ZBTB38: variants seen among roughly 807,000 people sequenced by gnomAD.
ZBTB38 encodes the protein zinc finger and BTB domain containing 38.
A neutral mutation model predicts 76.8 loss-of-function variants in ZBTB38; 20 were observed. The observed-to-expected ratio is 0.26, with a 90% confidence interval of 0.18 to 0.38. The LOEUF (loss-of-function observed/expected upper bound fraction) is 0.38. Ranked by LOEUF, ZBTB38 falls within the 10% of genes least tolerant of loss-of-function variation. The pLI, the probability that ZBTB38 is intolerant of heterozygous loss-of-function variation, is 1.00. For synonymous variants in ZBTB38, 504 were observed against 544.2 expected, an observed-to-expected ratio of 0.93 and a Z score of 1.03; for missense variants, 1,082 against 1,482.3, an observed-to-expected ratio of 0.73 and a Z score of 4.43.
chr3:141,354,050 T>C (rs1943592239), intron 1 of ZBTB38, among the ~76,000 whole-genome samples: 1 of 152,186 alleles, frequency 6.6e-6, no homozygotes, highest in African/African-American at 2.4e-5. Context: ...CGTAAGTCAA[T>C]AATCCCTTCA....
chr3:141,431,319 G>A (rs143772616), intron 5 of ZBTB38, among the ~76,000 whole-genome samples: 9,497 of 99,624 alleles, frequency 0.095, 384 homozygotes, highest in East Asian at 0.17. Context: ...GCGAGACTTC[G>A]TCTCAAAAAA....
intron 4 of ZBTB38, chr3:141,387,750 A>G (rs552030790): frequency 6.6e-6 from 1 of 152,340 alleles, no homozygotes; most frequent in African/African-American, 2.4e-5. Context: ...TGTTCTGCGT[A>G]TGATTTTTGT....
intron 1 of ZBTB38, among the ~76,000 whole-genome samples, chr3:141,356,397 T>C (rs545888786): frequency 6.6e-6 from 1 of 151,990 alleles, no homozygotes; most frequent in African/African-American, 2.4e-5. Flanking sequence ...CTTTTCTCAC[T>C]CATACAAAAG....
At position 141,443,312 on chromosome 3, in the gene ZBTB38, A is replaced by G. The variant is rs768224233; in HGVS notation, c.924A>G (p.Lys308=). 4 of 1,614,086 alleles carry G rather than the reference A, an allele frequency of 2.5e-6. No homozygotes were observed. Among genetic ancestry groups the G allele is most frequent in the African/African-American group, 2.7e-5 (2 of 74,916 alleles). ...CAGCTGCTGTTCTCACTCGTTCAAA[A>G]TCTCCAAACAATGAAGGAGATGTCC... ...PQPAAVLTRS[K]SPNNEGDVHF... is the part of the protein sequence containing the mutation. The change falls in exon 6 of 6, where the codon AAA becomes AAG. Residue 308 remains lysine (K), a synonymous_variant. Transcript: ENST00000321464. The surrounding 1 kb of genome is among the most constrained non-coding windows in gnomAD (Gnocchi z 5.6).
chr3:141,353,281 C>G (rs1490786650), intron 1 of ZBTB38, among the ~76,000 whole-genome samples: 2 of 152,118 alleles, frequency 1.3e-5, no homozygotes, highest in African/African-American at 2.4e-5. Context: ...CAACCCAACC[C>G]TCTCTTCTTT....
At chr3:141,415,724 GC>G (rs2073863526) in intron 5 of ZBTB38, among the ~76,000 whole-genome samples, 1 of 152,194 alleles carries the variant, frequency 6.6e-6, no homozygotes, top group Admixed American at 6.5e-5. Flanking sequence ...TGCCTTTTAA[GC>G]CCTGCTGTAG....
At chr3:141,340,985 A>AGAAAGAAT (rs1943178223) in intron 1 of ZBTB38, among the ~76,000 whole-genome samples, 4 of 145,656 alleles carry the variant, frequency 2.7e-5, no homozygotes, top group African/African-American at 1.1e-4. Context: ...AAAGAAAGAA[A>AGAAAGAAT]GAAAGAGAAA....
chr3:141,325,323 G>A (rs577654664), intron 1 of ZBTB38, among the ~76,000 whole-genome samples: 4 of 152,158 alleles, frequency 2.6e-5, no homozygotes, highest in Non-Finnish European at 4.4e-5. Context: ...AAGAAAATTA[G>A]CATTTTTTTA....
At chr3:141,423,368 T>C (rs1160598814) in intron 5 of ZBTB38, among the ~76,000 whole-genome samples, 2 of 152,246 alleles carry the variant, frequency 1.3e-5, no homozygotes, top group Non-Finnish European at 2.9e-5. Flanking sequence ...TGAAAAGCAA[T>C]AGAATGAGAT....
chr3:141,383,913 C>T (rs565198046), intron 3 of ZBTB38, among the ~76,000 whole-genome samples: 8 of 152,310 alleles, frequency 5.3e-5, no homozygotes, highest in Middle Eastern at 3.4e-3. Flanking sequence ...ATGAGAAGCA[C>T]GCAATTTTTT....
At chr3:141,335,404 A>G (rs1340183123) in intron 1 of ZBTB38, among the ~76,000 whole-genome samples, 1 of 152,228 alleles carries the variant, frequency 6.6e-6, no homozygotes, top group Non-Finnish European at 1.5e-5. Flanking sequence ...AATGAAATCA[A>G]CTTCCTTAGA....
At chr3:141,331,853 G>A (rs1372279098) in intron 1 of ZBTB38, among the ~76,000 whole-genome samples, 1 of 152,226 alleles carries the variant, frequency 6.6e-6, no homozygotes, top group African/African-American at 2.4e-5. Context: ...TGCTTGGACA[G>A]GATTCTTCTG....
At chr3:141,342,257 A>C (rs1258004787) in intron 1 of ZBTB38, among the ~76,000 whole-genome samples, 5 of 152,042 alleles carry the variant, frequency 3.3e-5, no homozygotes, top group Admixed American at 3.3e-4. Flanking sequence ...CCCGGGAGGC[A>C]GAGGTTGCAG....
At chr3:141,431,728 G>C (rs2077661972) in intron 5 of ZBTB38, 1 of 152,152 alleles carries the variant, frequency 6.6e-6, no homozygotes. Flanking sequence ...AGGTGAGGTT[G>C]TCCAAGCTGG....
At chr3:141,400,721 C>G (rs748962490) in intron 4 of ZBTB38, among the ~76,000 whole-genome samples, 1 of 152,226 alleles carries the variant, frequency 6.6e-6, no homozygotes, top group Non-Finnish European at 1.5e-5. Flanking sequence ...ATACCAGGTA[C>G]TCTTGCAAAT....
chr3:141,396,259 G>A (rs549450845), intron 4 of ZBTB38: 1 of 152,438 alleles, frequency 6.6e-6, no homozygotes, highest in African/African-American at 2.4e-5. Context: ...TTTCAACAAG[G>A]TTCACAGTGT....
At position 141,402,752 on chromosome 3, in the gene ZBTB38, T is replaced by C. The variant is rs1053897113; in HGVS notation, c.-105-1175T>C. 6 of 152,086 alleles carry C rather than the reference T, an allele frequency of 3.9e-5. No homozygotes were observed. In the East Asian group the frequency reaches 1.2e-3, roughly 29 times the overall value. 9.4% of individuals were successfully genotyped at this position (152,086 alleles called of 1,614,324 possible). A position where few individuals can be genotyped will look rare whatever the true frequency, so the allele number is the denominator to read the frequency against. On this transcript the variant is annotated intron_variant, in intron 4 of 5. Transcript: ENST00000321464. ...GTTGCGCCGCATCCCGTGGCCCAACTGCGCGGCTGTGCTAGAGGGCGGGGG... is the reference window on the plus strand; with the variant it reads ...GTTGCGCCGCATCCCGTGGCCCAACCGCGCGGCTGTGCTAGAGGGCGGGGG...
upstream of ZBTB38, among the ~76,000 whole-genome samples, chr3:141,363,576 A>G (rs1943877270): frequency 6.6e-6 from 1 of 152,242 alleles, no homozygotes; most frequent in Non-Finnish European, 1.5e-5. Context: ...TTAAGAGTCC[A>G]AGAATAAATA....
chr3:141,351,087 C>G (rs1201280905), intron 1 of ZBTB38, among the ~76,000 whole-genome samples: 3 of 152,042 alleles, frequency 2.0e-5, no homozygotes, highest in Admixed American at 2.0e-4. Context: ...TAAAGAAAAG[C>G]CAGTGAAAGA....
Sources: gnomAD v4.1 joint callset for allele counts (sites outside exome capture counted in the v4.1 genomes callset) on GRCh38, gnomAD v4.1.1 for gene constraint, Gnocchi (gnomAD v3.1) non-coding constraint, MANE v1.5 for transcripts, NCBI Gene and HGNC (gene_info 2026-07-23, HGNC 2026-07-21) for gene names.